The following DENND2A variants were observed in gnomAD, a reference collection of about 807,000 sequenced individuals.
DENND2A encodes DENN domain-containing protein 2A.
Under a neutral mutation model 105.3 loss-of-function variants are expected in DENND2A, and 53 were observed. The ratio of observed to expected loss-of-function variants is 0.50; its 90% CI spans 0.40 to 0.63. The LOEUF (loss-of-function observed/expected upper bound fraction) is 0.63. Among genes scored for constraint, DENND2A ranks in the 30% least tolerant of loss-of-function variants. The probability of loss-of-function intolerance (pLI) is 0.00; values close to 1 mark genes in which losing one functional copy is unlikely to be tolerated. For synonymous variants in DENND2A, 522 were observed against 508.4 expected (o/e 1.03, Z -0.36); for missense variants, 1,138 against 1,279.6 (o/e 0.89, Z 1.69).
At position 140,521,916 on chromosome 7, in the gene DENND2A, C is replaced by G; in HGVS notation, c.2850G>C (p.Met950Ile). 3 of 1,614,212 alleles carry G rather than the reference C, an allele frequency of 1.9e-6. No individual in the cohort carries two copies. Among genetic ancestry groups the G allele is most frequent in the Non-Finnish European group, 2.5e-6 (3 of 1,180,044 alleles). ...KSLRHFLEVF[M>I]ETQMFRGFIQ... ...TGAAGCCCCGAAACATCTGAGTCTC[C>G]ATGAAGACCTCCAGGAAGTGGCGGA... The change falls in exon 18 of 20, where the codon ATG (methionine) becomes ATC (isoleucine). Residue 950 changes from methionine to isoleucine, a missense_variant. By Grantham distance (10) the Met-to-Ile change is conservative (BLOSUM62 1). Around this residue, in one of 2 missense-constraint regions of DENND2A, gnomAD observed 627 missense variants for 779.8 expected, o/e 0.80. Coordinates refer to ENST00000496613, the MANE Select transcript of DENND2A (RefSeq NM_015689.5).
Position 140,523,313 on chromosome 7 carries a change from T to G in DENND2A, c.2659A>C (p.Arg887=). 1.2e-6 allele frequency: 2 copies of G among 1,614,178 alleles called. No individual in the cohort carries two copies. Among genetic ancestry groups the G allele is most frequent in the Non-Finnish European group, 1.7e-6 (2 of 1,180,010 alleles). ...GAGGTGGCTGAACACTTACCGTGCCTGCCGTCTAGGGGCCCTTCGTCCTGC... is the reference window on the plus strand; with the variant it reads ...GAGGTGGCTGAACACTTACCGTGCCGGCCGTCTAGGGGCCCTTCGTCCTGC... ...CEQDEGPLDG[R]HGPESSPLNE... The change falls in exon 17 of 20, where the codon AGG becomes CGG. Residue 887 remains arginine, a synonymous_variant. Coordinates refer to ENST00000496613, the MANE Select transcript of DENND2A (RefSeq NM_015689.5). This position sits in a 1 kb window ranked among gnomAD's most constrained non-coding sequence, Gnocchi z 4.5.
chr7:140,553,548 G>C (rs1031781102), intron 12 of DENND2A, among the ~76,000 whole-genome samples: 2 of 152,278 alleles, frequency 1.3e-5, no homozygotes, highest in Admixed American at 6.5e-5. Flanking sequence ...CTGGGGGACG[G>C]TCAGGTCTTT....
chr7:140,564,208 G>A (rs568097911), intron 9 of DENND2A, among the ~76,000 whole-genome samples: 3 of 151,474 alleles, frequency 2.0e-5, no homozygotes, highest in Admixed American at 1.3e-4. Flanking sequence ...GCTTGTACCC[G>A]GGAGGTGGAG....
At chr7:140,529,456 A>C (rs574407472) in intron 14 of DENND2A, among the ~76,000 whole-genome samples, 1 of 152,334 alleles carries the variant, frequency 6.6e-6, no homozygotes, top group East Asian at 1.9e-4. Flanking sequence ...TATATACCCA[A>C]AGGATTGTAA....
intron 1 of DENND2A, among the ~76,000 whole-genome samples, chr7:140,608,409 G>A (rs1427256555): frequency 1.3e-5 from 2 of 152,154 alleles, no homozygotes; most frequent in Non-Finnish European, 2.9e-5. Flanking sequence ...GGGCATGGTA[G>A]CTCACACCTG....
At chr7:140,551,391 C>G (rs890247355) in intron 12 of DENND2A, among the ~76,000 whole-genome samples, 1 of 151,548 alleles carries the variant, frequency 6.6e-6, no homozygotes, top group African/African-American at 2.4e-5. Flanking sequence ...CGTTGCCATG[C>G]GGGTTCTCTG....
chr7:140,559,884 G>A lies in DENND2A; in HGVS notation c.1780-67C>T. On this transcript the variant is annotated intron_variant, in intron 9 of 19. Coordinates refer to ENST00000496613, the MANE Select transcript of DENND2A (RefSeq NM_015689.5). The surrounding 1 kb of genome is among the most constrained non-coding windows in gnomAD (Gnocchi z 4.1). Reference sequence around the variant, plus strand: ...AGCATGGGAAATTGAGGCGGATGATGGTAAGGATGGCCTCTCCCACCTTTC... The same window carrying A: ...AGCATGGGAAATTGAGGCGGATGATAGTAAGGATGGCCTCTCCCACCTTTC... 8.4e-7 allele frequency: 1 copy of A among 1,185,892 alleles called. No homozygotes were observed. Among genetic ancestry groups the A allele is most frequent in the Non-Finnish European group, 1.2e-6 (1 of 802,286 alleles). The allele number at this position is 1,185,892 out of a possible 1,614,324, so 73.5% of individuals were successfully genotyped here.
chr7:140,534,297 C>G (rs374576935), intron 14 of DENND2A, among the ~76,000 whole-genome samples: 2 of 151,388 alleles, frequency 1.3e-5, no homozygotes, highest in Non-Finnish European at 2.9e-5. Context: ...GTTGGCCTGG[C>G]TTATCTCTAA....
intron 12 of DENND2A, among the ~76,000 whole-genome samples, chr7:140,554,139 T>C (rs1797262722): frequency 6.6e-6 from 1 of 151,832 alleles, no homozygotes; most frequent in East Asian, 2.0e-4. Context: ...GGCAGGAGAA[T>C]TGCTTGAACC....
chr7:140,573,267 T>C (rs1438448609), intron 6 of DENND2A, among the ~76,000 whole-genome samples: 3 of 152,144 alleles, frequency 2.0e-5, no homozygotes, highest in African/African-American at 4.8e-5. Context: ...CAGTACCAAA[T>C]TGGTCAATGA....
At chr7:140,563,336 A>G (rs1797705623) in intron 9 of DENND2A, among the ~76,000 whole-genome samples, 2 of 152,310 alleles carry the variant, frequency 1.3e-5, no homozygotes, top group South Asian at 4.1e-4. Flanking sequence ...ACACAGGCTC[A>G]TATATGCACA....
intron 16 of DENND2A, 137 bp downstream of exon 16, chr7:140,525,614 G>T: frequency 7.1e-6 from 5 of 703,378 alleles, no homozygotes; most frequent in Non-Finnish European, 8.6e-6. Flanking sequence ...CCTCAGCCCA[G>T]CCCCGTCCTG....
intron 8 of DENND2A, 32 bp downstream of exon 8, chr7:140,568,731 C>T (rs1485632844): frequency 1.9e-6 from 3 of 1,613,244 alleles, no homozygotes; most frequent in Admixed American, 3.3e-5. Flanking sequence ...AAGTCACCTG[C>T]CTGAGTCCTG....
At chr7:140,567,296 A>AAGGG in intron 8 of DENND2A, 23 bp from the exon 9 acceptor site, 1 of 830,716 alleles carries the variant, frequency 1.2e-6, no homozygotes, top group Non-Finnish European at 1.7e-6. Context: ...GGGAGAGAGA[A>AAGGG]AGAGAGAAAG....
chr7:140,531,192 G>A (rs2130480672), intron 14 of DENND2A, among the ~76,000 whole-genome samples: 1 of 152,312 alleles, frequency 6.6e-6, no homozygotes, highest in East Asian at 1.9e-4. Context: ...ACCACTGAAT[G>A]TACTGAATTC....
At position 140,567,186 on chromosome 7, in the gene DENND2A, T is replaced by C. The variant is rs1473809047; in HGVS notation, c.1679A>G (p.Gln560Arg). Reference sequence around the variant, plus strand: ...AAAGTACTCGAAGAGCTGCCTCTCCTGGTACTCGATGAGTTCCCGGGCAAG... The same window carrying C: ...AAAGTACTCGAAGAGCTGCCTCTCCCGGTACTCGATGAGTTCCCGGGCAAG... ...PSLARELIEY[Q>R]ERQLFEYFVV... The change falls in exon 9 of 20, where the codon CAG (glutamine) becomes CGG (arginine). Residue 560 changes from glutamine (Q) to arginine (R), a missense_variant. Physicochemically the swap from Gln to Arg is conservative, Grantham distance 43. This residue lies in a region of DENND2A where 627 missense variants were observed against 779.8 expected (regional missense o/e 0.80). Coordinates refer to ENST00000496613, the MANE Select transcript of DENND2A (RefSeq NM_015689.5). The C allele has an allele frequency of 6.2e-7, 1 of 1,613,874 alleles. No individual in the cohort carries two copies. Among genetic ancestry groups the C allele is most frequent in the South Asian group, 1.1e-5 (1 of 90,994 alleles).
rs1426207784 is a variant in DENND2A at position 140,535,856 on chromosome 7, A to G, written c.2328-8361T>C. 4.6e-5 allele frequency among the ~76,000 whole-genome samples: 7 copies of G among 152,316 alleles called. No individual in the cohort carries two copies. The East Asian group carries it at 1.4e-3, about 29-fold the overall frequency. ...CTCGGCCTCCCAAAGTGCTGGGATT[A>G]CAGGCTTGAGCCACTGCACCTGGCC... On this transcript the variant is annotated intron_variant, in intron 14 of 19. Coordinates refer to ENST00000496613, the MANE Select transcript of DENND2A (RefSeq NM_015689.5).
chr7:140,601,374 ACACTCTGCCTGGCCACAC>A lies in DENND2A; in HGVS notation c.995+11_995+28del, dbSNP rs765498393. On this transcript the variant is annotated intron_variant, in intron 3 of 19. Transcript: ENST00000496613. ...AAACCACTGAGAGAGTCAGGTGGCG[ACACTCTGCCTGGCCACAC>A]CGGCACCTACCTGTGGTCTGCACTG... 27 of 1,539,368 alleles carry A rather than the reference ACACTCTGCCTGGCCACAC, an allele frequency of 1.8e-5. No individual in the cohort carries two copies. Among genetic ancestry groups the A allele is most frequent in the Non-Finnish European group, 2.3e-5 (26 of 1,143,888 alleles).
chr7:140,627,805 C>T (rs778918716), intron 1 of DENND2A, among the ~76,000 whole-genome samples: 2 of 151,850 alleles, frequency 1.3e-5, no homozygotes, highest in South Asian at 2.1e-4. Flanking sequence ...GGGATTACAG[C>T]TGTAAGCCAC....
Sources: gnomAD v4.1 joint callset for allele counts (sites outside exome capture counted in the v4.1 genomes callset) on GRCh38, gnomAD v4.1.1 for gene constraint, gnomAD v4.1.1 regional missense constraint, Gnocchi (gnomAD v3.1) non-coding constraint, MANE v1.5 for transcripts, NCBI Gene and HGNC (gene_info 2026-07-23, HGNC 2026-07-21) for gene names.